The following HEATR3 variants were observed in gnomAD, a reference collection of about 807,000 sequenced individuals.
The protein encoded by HEATR3 is HEAT repeat containing 3, also known as HEAT repeat-containing protein 3.
Under a neutral mutation model 72.8 loss-of-function variants are expected in HEATR3, and 56 were observed. The observed-to-expected ratio is 0.77, with a 90% confidence interval of 0.62 to 0.96. HEATR3 has a LOEUF of 0.96. Among genes scored for constraint, HEATR3 ranks in the 40% least tolerant of loss-of-function variants. The pLI is 0.00. For missense variants in HEATR3, 747 were observed against 831.4 expected (o/e 0.90, Z 1.25); for synonymous variants, 331 against 318.1 (o/e 1.04, Z -0.43).
intron 13 of HEATR3, among the ~76,000 whole-genome samples, chr16:50,101,547 C>G (rs570625225): frequency 5.1e-4 from 77 of 152,300 alleles, no homozygotes; most frequent in African/African-American, 1.6e-3. Flanking sequence ...GGGGTCTTCT[C>G]TTTCTCTCTT....
At chr16:50,096,333 A>AAAAAAAAAAAAAAAAAAAAT (rs2037235839) in intron 12 of HEATR3, among the ~76,000 whole-genome samples, 1 of 93,206 alleles carries the variant, frequency 1.1e-5, no homozygotes, top group African/African-American at 3.8e-5. Context: ...TCAAAAAAAA[A>AAAAAAAAAAAAAAAAAAAAT]AAAAAAAAAA....
At chr16:50,086,856 G>T (rs1161388986) in intron 11 of HEATR3, among the ~76,000 whole-genome samples, 1 of 152,156 alleles carries the variant, frequency 6.6e-6, no homozygotes, top group Non-Finnish European at 1.5e-5. Context: ...TTGAACCCAG[G>T]AGGTGGGGAT....
intron 14 of HEATR3, 52 bp downstream of exon 14, chr16:50,102,487 C>G (rs769723991): frequency 4.5e-6 from 7 of 1,543,428 alleles, no homozygotes; most frequent in East Asian, 2.2e-5. Flanking sequence ...TCTGTGGGGA[C>G]AAGGGTGTGT....
chr16:50,071,800 A>G (rs989631036), intron 4 of HEATR3, among the ~76,000 whole-genome samples: 1 of 152,220 alleles, frequency 6.6e-6, no homozygotes, highest in Non-Finnish European at 1.5e-5. Context: ...TGTTATATGT[A>G]TGGAGGAAAC....
chr16:50,085,235 C>T (rs2150611228), intron 10 of HEATR3, among the ~76,000 whole-genome samples: 1 of 152,268 alleles, frequency 6.6e-6, no homozygotes, highest in South Asian at 2.1e-4. Flanking sequence ...GTGTTAATTT[C>T]TTTCCCAGGT....
intron 3 of HEATR3, among the ~76,000 whole-genome samples, chr16:50,069,872 G>A (rs1300912866): frequency 6.6e-6 from 1 of 152,216 alleles, no homozygotes; most frequent in Non-Finnish European, 1.5e-5. Context: ...TAGGTTTATT[G>A]TGAGGATTAA....
chr16:50,093,971 G>T (rs78586086), intron 11 of HEATR3, among the ~76,000 whole-genome samples: 3,777 of 152,256 alleles, frequency 0.025, 148 homozygotes, highest in African/African-American at 0.085. Context: ...ATGGGAAGTG[G>T]CAAGGTTCTT....
rs899045053 is a variant in HEATR3 at position 50,105,739 on chromosome 16, G to GT, written c.*689dup. 854 of 142,570 alleles carry GT rather than the reference G, an allele frequency of 6.0e-3. 5 individuals carry two copies. The highest frequency in any genetic ancestry group is 0.017 in the African/African-American group (658 of 39,256). The allele number at this position is 142,570 out of a possible 1,614,324, so 8.8% of individuals were successfully genotyped here. On this transcript the variant is annotated 3_prime_UTR_variant, in exon 15 of 15. Coordinates refer to ENST00000299192, the MANE Select transcript of HEATR3 (RefSeq NM_182922.4). Reference sequence around the variant, plus strand: ...GTTTTTGTTTTTGGTTTTTTGGTTTGTTTTTTTTTTTCAGTAGAGACGGGT... The same window carrying GT: ...GTTTTTGTTTTTGGTTTTTTGGTTTGTTTTTTTTTTTTCAGTAGAGACGGGT...
chr16:50,071,347 C>T (rs1014742821), intron 4 of HEATR3, among the ~76,000 whole-genome samples: 1 of 152,198 alleles, frequency 6.6e-6, no homozygotes, highest in Admixed American at 6.5e-5. Flanking sequence ...CCTGTGATTT[C>T]ATTTTAATGA....
intron 6 of HEATR3, among the ~76,000 whole-genome samples, chr16:50,075,994 A>G (rs187088442): frequency 4.6e-4 from 69 of 149,436 alleles, no homozygotes; most frequent in Non-Finnish European, 8.7e-4. Flanking sequence ...GATTTCAGAA[A>G]TTGACCACTT....
Position 50,084,631 on chromosome 16 carries a change from T to C in HEATR3, c.1353T>C (p.Thr451=), listed in dbSNP as rs768544089. 3 of 1,608,476 alleles carry C rather than the reference T, an allele frequency of 1.9e-6. No homozygotes were observed. The highest frequency in any genetic ancestry group is 1.1e-5 in the South Asian group (1 of 90,460). Residue 451 remains threonine (T), a synonymous_variant, in exon 10 of 15, where the codon ACT becomes ACC. Transcript: ENST00000299192. ...IAVDLCSRNP[T]WKPLIRKMNT... ...TTGACCTATGTTCTAGGAACCCTAC[T>C]TGGAAACCTTTGATTAGAAAGTAAG...
intron 7 of HEATR3, among the ~76,000 whole-genome samples, chr16:50,083,229 A>G (rs985272498): frequency 5.9e-5 from 9 of 152,238 alleles, no homozygotes; most frequent in Non-Finnish European, 1.3e-4. Context: ...GTTTTGGAAT[A>G]TCAGTATGGT....
chr16:50,100,314 AT>A lies in HEATR3; in HGVS notation c.1688del (p.Leu563Ter). The A allele has an allele frequency of 6.2e-7, 1 of 1,614,096 alleles. No individual in the cohort carries two copies. Among genetic ancestry groups the A allele is most frequent in the Non-Finnish European group, 8.5e-7 (1 of 1,179,986 alleles). On this transcript the variant is annotated frameshift_variant, in exon 13 of 15. Transcript: ENST00000299192. LOFTEE classifies it high-confidence loss of function. The stretch of plus-strand genomic sequence containing the variant: ...CGGGGTTAGAGTGAATGTCGTTAGC[AT>A]TTTAGGAATCACTGGCAGCGTCCTT... ...NVGVRVNVVS[I>X]LGITGSVLAK...
chr16:50,075,566 C>T lies in HEATR3; in HGVS notation c.623-5C>T, dbSNP rs1031795300. 4.4e-6 allele frequency: 7 copies of T among 1,608,334 alleles called. No individual in the cohort carries two copies. Among genetic ancestry groups the T allele is most frequent in the Admixed American group, 1.7e-5 (1 of 59,726 alleles). On this transcript the variant is annotated splice_region_variant and splice_polypyrimidine_tract_variant and intron_variant, in intron 5 of 14. Coordinates refer to ENST00000299192, the MANE Select transcript of HEATR3 (RefSeq NM_182922.4). ...GTTTCTAAATACTTATTTTTTGCCT[C>T]GTAGCATATTGTTTGCAGACAGTGA... is the stretch of plus-strand genomic sequence containing the variant.
intron 12 of HEATR3, among the ~76,000 whole-genome samples, chr16:50,099,876 A>T (rs2037327289): frequency 6.6e-6 from 1 of 152,210 alleles, no homozygotes; most frequent in African/African-American, 2.4e-5. Context: ...TTTTTTTAAA[A>T]CCACACAATC....
Position 50,068,804 on chromosome 16 carries a change from T to C in HEATR3, c.336T>C (p.Phe112=), listed in dbSNP as rs1236850246. ...GAAATCTCAGTGCTTGTGGAGGTTT[T>C]GAAGTTTGTGATGACATGGTGACTA... ...ALRNLSACGG[F]EVCDDMVTKD... The change falls in exon 3 of 15, where the codon TTT becomes TTC. Residue 112 remains phenylalanine, a synonymous_variant. Transcript: ENST00000299192. 6.2e-7 allele frequency: 1 copy of C among 1,613,880 alleles called. No homozygotes were observed. Among genetic ancestry groups the C allele is most frequent in the Admixed American group, 1.7e-5 (1 of 59,988 alleles).
At chr16:50,102,159 TGTATATAAAATA>T in intron 13 of HEATR3, 88 bp from the exon 14 acceptor site, 1 of 917,046 alleles carries the variant, frequency 1.1e-6, no homozygotes, top group Non-Finnish European at 1.7e-6. Context: ...CCCTGGCATT[TGTATATAAAATA>T]GTATGCATGA....
intron 4 of HEATR3, among the ~76,000 whole-genome samples, chr16:50,071,708 A>G (rs1238701237): frequency 6.6e-6 from 1 of 152,192 alleles, no homozygotes; most frequent in Non-Finnish European, 1.5e-5. Context: ...AGGTAGGTAG[A>G]TAGAAGATAT....
At chr16:50,087,206 T>A (rs908106345) in intron 11 of HEATR3, among the ~76,000 whole-genome samples, 20 of 152,134 alleles carry the variant, frequency 1.3e-4, no homozygotes, top group African/African-American at 4.3e-4. Flanking sequence ...AATGGTAGAA[T>A]ACCATCCACA....
Sources: gnomAD v4.1 joint callset for allele counts (sites outside exome capture counted in the v4.1 genomes callset) on GRCh38, gnomAD v4.1.1 for gene constraint, MANE v1.5 for transcripts, NCBI Gene and HGNC (gene_info 2026-07-23, HGNC 2026-07-21) for gene names.